ANKFN1: variants seen among roughly 807,000 people sequenced by gnomAD.
ANKFN1 encodes the protein ankyrin repeat and fibronectin type III domain containing 1, also known as ankyrin repeat and fibronectin type-III domain-containing protein 1.
A neutral mutation model predicts 108.7 loss-of-function variants in ANKFN1; 74 were observed. The ratio of observed to expected loss-of-function variants is 0.68; its 90% CI spans 0.56 to 0.83. The LOEUF (loss-of-function observed/expected upper bound fraction) is 0.83, where lower values mean the gene tolerates loss of function less well. Among genes scored for constraint, ANKFN1 ranks in the 40% least tolerant of loss-of-function variants. ANKFN1 has a pLI of 0.00. For synonymous variants in ANKFN1, 547 were observed against 516.2 expected (o/e 1.06, Z -0.81); for missense variants, 1,505 against 1,382.3 (o/e 1.09, Z -1.41).
At chr17:56,255,421 A>G (rs1250705266) in intron 3 of ANKFN1, among the ~76,000 whole-genome samples, 1 of 152,152 alleles carries the variant, frequency 6.6e-6, no homozygotes, top group East Asian at 1.9e-4. Flanking sequence ...TGCCCCCACA[A>G]AAGACAATCA....
intron 8 of ANKFN1, among the ~76,000 whole-genome samples, chr17:56,434,378 CAAAA>C (rs58017155): frequency 1.3e-4 from 16 of 127,376 alleles, no homozygotes; most frequent in Admixed American, 1.6e-4. Context: ...TTTCTAGTGT[CAAAA>C]AAAAAAAAAA....
chr17:56,466,793 G>A (rs761130412), intron 15 of ANKFN1, among the ~76,000 whole-genome samples: 88 of 152,100 alleles, frequency 5.8e-4, no homozygotes, highest in Non-Finnish European at 9.6e-4. Flanking sequence ...GCATTTTCAT[G>A]CCCTGGCCAA....
chr17:56,338,133 T>C (rs1421916793), intron 4 of ANKFN1, among the ~76,000 whole-genome samples: 1 of 152,176 alleles, frequency 6.6e-6, no homozygotes, highest in Non-Finnish European at 1.5e-5. Context: ...TAAAAAAGTA[T>C]GATTTCATGT....
intron 4 of ANKFN1, among the ~76,000 whole-genome samples, chr17:56,058,571 T>C (rs1904920264): frequency 2.0e-5 from 3 of 152,120 alleles, no homozygotes; most frequent in Admixed American, 2.0e-4. Flanking sequence ...ACCCATCCTC[T>C]AAGTTCCCTC....
intron 8 of ANKFN1, among the ~76,000 whole-genome samples, chr17:56,423,456 A>T (rs1480003960): frequency 6.6e-6 from 1 of 152,226 alleles, no homozygotes; most frequent in Non-Finnish European, 1.5e-5. Flanking sequence ...ACTGGTCATC[A>T]AACTAAACCA....
chr17:56,449,462 G>T (rs866004307), intron 11 of ANKFN1, among the ~76,000 whole-genome samples: 2 of 151,948 alleles, frequency 1.3e-5, no homozygotes, highest in African/African-American at 2.4e-5. Context: ...CCCTTCTCTC[G>T]GAATTGTCCC....
intron 3 of ANKFN1, among the ~76,000 whole-genome samples, chr17:56,283,004 T>C (rs113863555): frequency 0.031 from 4,778 of 152,292 alleles, 142 homozygotes; most frequent in African/African-American, 0.071. Context: ...CAGGGGTACA[T>C]GTGCAGGTTT....
chr17:56,308,901 C>T (rs999037483), intron 3 of ANKFN1, among the ~76,000 whole-genome samples: 8 of 152,156 alleles, frequency 5.3e-5, no homozygotes, highest in African/African-American at 1.4e-4. Flanking sequence ...ATAAGCCTCG[C>T]ATCCATTGAA....
chr17:56,213,173 A>G (rs1374700199), intron 2 of ANKFN1, among the ~76,000 whole-genome samples: 1 of 152,234 alleles, frequency 6.6e-6, no homozygotes, highest in Admixed American at 6.5e-5. Context: ...TAAAGAAGCC[A>G]GACCAGGGTT....
intron 8 of ANKFN1, among the ~76,000 whole-genome samples, chr17:56,428,241 A>C (rs2048635764): frequency 6.6e-6 from 1 of 151,934 alleles, no homozygotes; most frequent in Admixed American, 6.6e-5. Context: ...TCTCAAAAAA[A>C]AAAAAGAAAA....
intron 1 of ANKFN1, among the ~76,000 whole-genome samples, chr17:56,203,619 CA>C (rs891150600): frequency 1.3e-5 from 2 of 152,208 alleles, no homozygotes; most frequent in African/African-American, 4.8e-5. Context: ...CTTGCCTCAG[CA>C]AATGAATGAG....
At chr17:56,265,502 A>G (rs572270785) in intron 3 of ANKFN1, among the ~76,000 whole-genome samples, 1 of 152,326 alleles carries the variant, frequency 6.6e-6, no homozygotes, top group African/African-American at 2.4e-5. Context: ...ATGGGGACAC[A>G]GAGCCAAACC....
At chr17:56,171,145 G>A (rs1030897465) in intron 1 of ANKFN1, among the ~76,000 whole-genome samples, 39 of 151,998 alleles carry the variant, frequency 2.6e-4, no homozygotes, top group Middle Eastern at 3.4e-3. Flanking sequence ...CATGGGAAAT[G>A]GCCTCAGGGC....
At chr17:56,300,660 G>A (rs1262816850) in intron 3 of ANKFN1, among the ~76,000 whole-genome samples, 1 of 151,106 alleles carries the variant, frequency 6.6e-6, no homozygotes, top group African/African-American at 2.4e-5. Context: ...GGGTCAGACA[G>A]ACAAGCTCAA....
At chr17:56,250,772 A>T (rs2043216395) in intron 3 of ANKFN1, among the ~76,000 whole-genome samples, 1 of 152,068 alleles carries the variant, frequency 6.6e-6, no homozygotes, top group Admixed American at 6.6e-5. Flanking sequence ...ACTATCATTG[A>T]TTATCATCTG....
intron 1 of ANKFN1, among the ~76,000 whole-genome samples, chr17:56,175,405 A>G (rs1211931340): frequency 6.6e-6 from 1 of 152,220 alleles, no homozygotes. Flanking sequence ...ACTAACACTC[A>G]TGGACATCAA....
At chr17:56,455,640 A>T (rs1320322748) in intron 11 of ANKFN1, among the ~76,000 whole-genome samples, 1 of 152,210 alleles carries the variant, frequency 6.6e-6, no homozygotes, top group African/African-American at 2.4e-5. Context: ...AGAATATGAG[A>T]GTTAAAATCA....
chr17:56,258,119 T>G (rs2043405128), intron 3 of ANKFN1: 1 of 152,220 alleles, frequency 6.6e-6, no homozygotes, highest in African/African-American at 2.4e-5. Flanking sequence ...TTCCTTCTTC[T>G]TTCCATGTTC....
chr17:56,452,914 TCTG>T (rs1253002434), intron 11 of ANKFN1, among the ~76,000 whole-genome samples: 1 of 152,220 alleles, frequency 6.6e-6, no homozygotes, highest in Admixed American at 6.5e-5. Flanking sequence ...CCTAAATGGC[TCTG>T]TGCTTCATTT....
Sources: allele counts gnomAD v4.1 joint callset (sites outside exome capture counted in the v4.1 genomes callset), GRCh38; gene constraint gnomAD v4.1.1; transcripts MANE v1.5; gene names NCBI Gene and HGNC (gene_info 2026-07-23, HGNC 2026-07-21).